Variants in ZNF521 observed in about 807,000 individuals in gnomAD.
The protein encoded by ZNF521 is zinc finger protein 521, also known as LYST-interacting protein 3.
In ZNF521, 14 loss-of-function variants were observed where a neutral mutation model predicts 105.5. The ratio of observed to expected loss-of-function variants is 0.13; its 90% CI spans 0.09 to 0.21. ZNF521 has a LOEUF of 0.21. ZNF521 is among the 10% of genes least tolerant of loss of function. The probability of loss-of-function intolerance (pLI) is 1.00; values close to 1 mark genes in which losing one functional copy is unlikely to be tolerated. For synonymous variants in ZNF521, 635 were observed against 606.0 expected (o/e 1.05, Z -0.70); for missense variants, 1,233 against 1,629.7 (o/e 0.76, Z 4.19).
At chr18:25,135,279 CGTGTGT>C (rs35980671) in intron 5 of ZNF521, among the ~76,000 whole-genome samples, 21 of 146,110 alleles carry the variant, frequency 1.4e-4, no homozygotes, top group South Asian at 2.2e-4. Flanking sequence ...TATATGTATA[CGTGTGT>C]GTGTGTGTGT....
chr18:25,227,627 A>T lies in ZNF521; in HGVS notation c.291T>A (p.Thr97=). Residue 97 remains threonine, a synonymous_variant, in exon 4 of 8, where the codon ACT becomes ACA. Transcript: ENST00000361524. The surrounding 1 kb of genome is among the most constrained non-coding windows in gnomAD (Gnocchi z 5.7). ...PASSPSSKDQ[T]SPSHGEGCDF... The stretch of plus-strand genomic sequence containing the variant: ...CGCAACCTTCTCCATGGCTAGGGGA[A>T]GTCTGATCCTTGCTAGAAGGTGAGG... 1 of 1,614,162 alleles carries T rather than the reference A, an allele frequency of 6.2e-7. No homozygotes were observed. The highest frequency in any genetic ancestry group is 8.5e-7 in the Non-Finnish European group (1 of 1,180,018).
chr18:25,349,466 G>T (rs996184104), intron 2 of ZNF521, among the ~76,000 whole-genome samples: 3 of 152,308 alleles, frequency 2.0e-5, no homozygotes, highest in African/African-American at 7.2e-5. Context: ...AAACTTCTGC[G>T]CTTTAGGAAA....
intron 3 of ZNF521, among the ~76,000 whole-genome samples, chr18:25,295,381 G>T (rs1273275984): frequency 6.6e-6 from 1 of 152,136 alleles, no homozygotes; most frequent in Non-Finnish European, 1.5e-5. Flanking sequence ...TAGAAAGAAT[G>T]CTTTACGACC....
At chr18:25,141,633 G>C (rs912567362) in intron 5 of ZNF521, among the ~76,000 whole-genome samples, 2 of 152,160 alleles carry the variant, frequency 1.3e-5, no homozygotes, top group Non-Finnish European at 2.9e-5. Context: ...AGTCTACAGA[G>C]GCTCAAAGGT....
intron 6 of ZNF521, among the ~76,000 whole-genome samples, chr18:25,089,917 A>G (rs1288397281): frequency 6.6e-6 from 1 of 152,228 alleles, no homozygotes; most frequent in East Asian, 1.9e-4. Context: ...AGCAACCCAC[A>G]GGTTAAGAAA....
At chr18:25,085,380 TG>T (rs1297686994) in intron 7 of ZNF521, among the ~76,000 whole-genome samples, 1 of 151,940 alleles carries the variant, frequency 6.6e-6, no homozygotes, top group Non-Finnish European at 1.5e-5. Context: ...GCAAAAAGTG[TG>T]ACTTAGATTA....
At chr18:25,139,839 T>C (rs1312011135) in intron 5 of ZNF521, among the ~76,000 whole-genome samples, 1 of 152,150 alleles carries the variant, frequency 6.6e-6, no homozygotes, top group East Asian at 1.9e-4. Flanking sequence ...TTAGGAGGTA[T>C]TAGGCCTTCA....
intron 3 of ZNF521, among the ~76,000 whole-genome samples, chr18:25,279,946 T>G (rs1422457643): frequency 6.6e-6 from 1 of 152,244 alleles, no homozygotes; most frequent in Non-Finnish European, 1.5e-5. Flanking sequence ...TCTAGCATTT[T>G]ACAGCATAAT....
At chr18:25,208,387 C>T (rs2036119670) in intron 4 of ZNF521, among the ~76,000 whole-genome samples, 1 of 152,088 alleles carries the variant, frequency 6.6e-6, no homozygotes, top group South Asian at 2.1e-4. Context: ...TTTTGTATAA[C>T]AAAATAATAT....
intron 5 of ZNF521, among the ~76,000 whole-genome samples, chr18:25,102,243 A>AT (rs1002100879): frequency 1.3e-4 from 20 of 152,118 alleles, no homozygotes; most frequent in African/African-American, 3.1e-4. Context: ...ACTATTTGGC[A>AT]TTTTTTTTAA....
At chr18:25,263,229 C>G (rs1034659874) in intron 3 of ZNF521, among the ~76,000 whole-genome samples, 5 of 152,138 alleles carry the variant, frequency 3.3e-5, no homozygotes, top group African/African-American at 1.2e-4. Flanking sequence ...AAATTTAGCT[C>G]CCAGTGCCTG....
At chr18:25,190,799 C>A (rs2035805588) in intron 5 of ZNF521, among the ~76,000 whole-genome samples, 1 of 152,210 alleles carries the variant, frequency 6.6e-6, no homozygotes, top group Non-Finnish European at 1.5e-5. Context: ...TATGCCTTGA[C>A]ATCAGTGATA....
chr18:25,306,831 G>C (rs757958040), intron 3 of ZNF521, among the ~76,000 whole-genome samples: 5 of 139,406 alleles, frequency 3.6e-5, no homozygotes, highest in Non-Finnish European at 6.1e-5. Context: ...AACTCATAAA[G>C]GGAAAACTAA....
intron 3 of ZNF521, among the ~76,000 whole-genome samples, chr18:25,265,932 G>A (rs548133881): frequency 6.6e-6 from 1 of 152,270 alleles, no homozygotes; most frequent in East Asian, 1.9e-4. Context: ...AATAAGCCAG[G>A]CACAGAAAGA....
In ZNF521 at chr18:25,285,704, A is replaced by T. The variant is rs552698915; in HGVS notation, c.220+36304T>A. 2.7e-3 allele frequency among the ~76,000 whole-genome samples: 329 copies of T among 122,722 alleles called. 1 individual carries two copies. The highest frequency in any genetic ancestry group is 8.6e-3 in the African/African-American group (165 of 19,174). The allele number at this position is 122,722 out of a possible 152,430, so 80.5% of individuals were successfully genotyped here. A position where few individuals can be genotyped will look rare whatever the true frequency, so the allele number is the denominator to read the frequency against. The stretch of plus-strand genomic sequence containing the variant: ...ACTTCTCTCTCTCTCTCTCTCACAC[A>T]CACACACACACACACACACACACAC... On this transcript the variant is annotated intron_variant, in intron 3 of 7. Coordinates refer to ENST00000361524, the MANE Select transcript of ZNF521 (RefSeq NM_015461.3).
intron 2 of ZNF521, among the ~76,000 whole-genome samples, chr18:25,345,806 T>G (rs969732358): frequency 2.6e-5 from 4 of 152,216 alleles, no homozygotes; most frequent in African/African-American, 9.6e-5. Context: ...CAGTCACTGG[T>G]TGATAGATAA....
At chr18:25,064,424 T>G (rs1240780018) in intron 7 of ZNF521, among the ~76,000 whole-genome samples, 2 of 152,236 alleles carry the variant, frequency 1.3e-5, no homozygotes, top group Non-Finnish European at 2.9e-5. Flanking sequence ...AACAGGAATA[T>G]GCAAGGTACG....
intron 3 of ZNF521, among the ~76,000 whole-genome samples, chr18:25,290,573 G>C (rs1910954696): frequency 6.7e-6 from 1 of 149,428 alleles, no homozygotes. Flanking sequence ...TATTGAAGTA[G>C]AAGTTCAGTG....
At chr18:25,160,571 T>C (rs1891162772) in intron 5 of ZNF521, among the ~76,000 whole-genome samples, 1 of 152,226 alleles carries the variant, frequency 6.6e-6, no homozygotes, top group Non-Finnish European at 1.5e-5. Flanking sequence ...GATGAATTTT[T>C]GTTTACTATC....
Sources: allele counts gnomAD v4.1 joint callset (sites outside exome capture counted in the v4.1 genomes callset), GRCh38; gene constraint gnomAD v4.1.1; non-coding constraint Gnocchi (gnomAD v3.1); transcripts MANE v1.5; gene names NCBI Gene and HGNC (gene_info 2026-07-23, HGNC 2026-07-21).